The following SH2D7 variants were observed in gnomAD, a reference collection of about 807,000 sequenced individuals.
SH2D7 encodes SH2 domain containing 7.
In SH2D7, 32 loss-of-function variants were observed where a neutral mutation model predicts 40.8. The observed-to-expected ratio is 0.78, with a 90% CI of 0.59 to 1.05. The LOEUF is 1.05. Among genes scored for constraint, SH2D7 ranks in the 50% least tolerant of loss-of-function variants. The pLI is 0.00. For missense variants in SH2D7, 559 were observed against 566.6 expected, an observed-to-expected ratio of 0.99 and a Z score of 0.14; for synonymous variants, 195 against 221.5, an observed-to-expected ratio of 0.88 and a Z score of 1.06.
chr15:78,097,817 T>C, intron 2 of SH2D7, 112 bp from the exon 3 acceptor site: 2 of 1,393,656 alleles, frequency 1.4e-6, no homozygotes, highest in Non-Finnish European at 1.9e-6. Context: ...AGGTCTGTTC[T>C]GGATCAAGAG....
intron 2 of SH2D7, among the ~76,000 whole-genome samples, chr15:78,094,424 G>A (rs1158958975): frequency 1.3e-5 from 2 of 152,190 alleles, no homozygotes; most frequent in Non-Finnish European, 2.9e-5. Context: ...TGGGGTTCGG[G>A]GAGGCTTCAC....
chr15:78,101,813 C>T (rs2074019555), intron 5 of SH2D7, among the ~76,000 whole-genome samples: 2 of 152,190 alleles, frequency 1.3e-5, no homozygotes, highest in Non-Finnish European at 2.9e-5. Flanking sequence ...TCAGGGTTCC[C>T]ATCCCCTCCG....
At chr15:78,096,360 A>G (rs1460022824) in intron 2 of SH2D7, among the ~76,000 whole-genome samples, 2 of 152,138 alleles carry the variant, frequency 1.3e-5, no homozygotes, top group Non-Finnish European at 2.9e-5. Flanking sequence ...AAAAAGAAAA[A>G]CCCAGAAGGC....
Position 78,103,636 on chromosome 15 carries a change from C to G in SH2D7, c.*121C>G. On this transcript the variant is annotated 3_prime_UTR_variant, in exon 6 of 6. Coordinates refer to ENST00000328828, the MANE Select transcript of SH2D7 (RefSeq NM_001101404.2). Reference sequence around the variant, plus strand: ...TGGATCTTGAGACTCATCCAGCCTGCTACAGAACTAGGCTCCGAGACAGCC... The same window carrying G: ...TGGATCTTGAGACTCATCCAGCCTGGTACAGAACTAGGCTCCGAGACAGCC... 8.0e-7 allele frequency: 1 copy of G among 1,244,618 alleles called. No homozygotes were observed. Among genetic ancestry groups the G allele is most frequent in the Non-Finnish European group, 1.1e-6 (1 of 892,562 alleles). 77.1% of individuals were successfully genotyped at this position (1,244,618 alleles called of 1,614,324 possible).
chr15:78,098,204 C>A, intron 3 of SH2D7, 110 bp downstream of exon 3: 2 of 1,433,562 alleles, frequency 1.4e-6, no homozygotes, highest in Non-Finnish European at 9.3e-7. Context: ...TACTATCACC[C>A]AGGGGCACTT....
At chr15:78,097,906 G>T in intron 2 of SH2D7, 23 bp from the exon 3 acceptor site, 2 of 1,610,518 alleles carry the variant, frequency 1.2e-6, no homozygotes, top group South Asian at 2.2e-5. Flanking sequence ...AGCAGCCCCA[G>T]ACCACAAGCA....
chr15:78,090,429 T>C (rs1363599912), upstream of SH2D7, among the ~76,000 whole-genome samples: 2 of 151,940 alleles, frequency 1.3e-5, no homozygotes, highest in Admixed American at 6.6e-5. Flanking sequence ...ATAAATAAGA[T>C]GAGAAAGAGC....
chr15:78,095,677 C>G (rs1751534194), intron 2 of SH2D7, among the ~76,000 whole-genome samples: 2 of 152,002 alleles, frequency 1.3e-5, no homozygotes, highest in Non-Finnish European at 2.9e-5. Flanking sequence ...AAAAGCAAAA[C>G]AATACCATTT....
At chr15:78,103,151 G>A (rs2074028657) in intron 5 of SH2D7, among the ~76,000 whole-genome samples, 1 of 152,132 alleles carries the variant, frequency 6.6e-6, no homozygotes, top group Admixed American at 6.5e-5. Flanking sequence ...TGCATCCTGA[G>A]GCCCCCAGCT....
intron 2 of SH2D7, among the ~76,000 whole-genome samples, chr15:78,095,907 A>G (rs962264069): frequency 6.6e-6 from 1 of 152,120 alleles, no homozygotes; most frequent in African/African-American, 2.4e-5. Flanking sequence ...CAGTGGCGCG[A>G]TCTCTGCTCA....
intron 3 of SH2D7, 38 bp from the exon 4 acceptor site, chr15:78,098,346 T>C (rs2073987517): frequency 2.5e-6 from 4 of 1,606,242 alleles, no homozygotes; most frequent in Non-Finnish European, 8.5e-7. Context: ...TGGCTGGGCA[T>C]GTGTGACCAC....
intron 5 of SH2D7, 111 bp downstream of exon 5, chr15:78,101,669 G>A: frequency 8.7e-6 from 11 of 1,261,188 alleles, no homozygotes; most frequent in Non-Finnish European, 1.2e-5. Context: ...CCACTGCCTG[G>A]AAGTACACAG....
At position 78,098,516 on chromosome 15, in the gene SH2D7, A is replaced by G; in HGVS notation, c.565A>G (p.Lys189Glu). Residue 189 changes from lysine to glutamate, a missense_variant, in exon 4 of 6, where the codon AAG becomes GAG. By Grantham distance (56) the Lys-to-Glu change is moderately conservative. Coordinates refer to ENST00000328828, the MANE Select transcript of SH2D7 (RefSeq NM_001101404.2). Reference protein sequence around the residue: ...DKAASPRSSPKPQVSFLHAQK... With the variant: ...DKAASPRSSPEPQVSFLHAQK... Reference sequence around the variant, plus strand: ...GGCCGCCAGCCCCCGCTCTTCTCCAAAGCCCCAGGTCTCCTTCCTCCATGC... The same window carrying G: ...GGCCGCCAGCCCCCGCTCTTCTCCAGAGCCCCAGGTCTCCTTCCTCCATGC... The G allele has an allele frequency of 6.2e-7, 1 of 1,613,944 alleles. No individual in the cohort carries two copies. The highest frequency in any genetic ancestry group is 8.5e-7 in the Non-Finnish European group (1 of 1,179,860).
At chr15:78,098,672 C>T (rs552175903) in intron 4 of SH2D7, 76 bp downstream of exon 4, 2 of 1,499,368 alleles carry the variant, frequency 1.3e-6, no homozygotes, top group African/African-American at 1.4e-5. Context: ...CAGTCAGACC[C>T]TGAGGCCAGG....
chr15:78,097,989 C>A lies in SH2D7; in HGVS notation c.327C>A (p.Ile109=). 1 of 1,612,658 alleles carries A rather than the reference C, an allele frequency of 6.2e-7. No homozygotes were observed. The highest frequency in any genetic ancestry group is 8.5e-7 in the Non-Finnish European group (1 of 1,179,404). ...INQLRNRRYI[I]SGDTQSHSTL... ...AGCTTCGAAACCGGCGTTACATCAT[C>A]TCAGGAGACACCCAGAGCCACAGCA... Residue 109 remains isoleucine (I), a synonymous_variant, in exon 3 of 6, where the codon ATC becomes ATA. Transcript: ENST00000328828.
At chr15:78,097,675 T>A (rs1008017436) in intron 2 of SH2D7, among the ~76,000 whole-genome samples, 9 of 152,136 alleles carry the variant, frequency 5.9e-5, no homozygotes, top group African/African-American at 1.9e-4. Context: ...ACAGCCGTGC[T>A]CTCCCTGACT....
chr15:78,101,972 C>T (rs1467181876), intron 5 of SH2D7, among the ~76,000 whole-genome samples: 5 of 152,154 alleles, frequency 3.3e-5, no homozygotes. Flanking sequence ...ATTTTTGAGG[C>T]CAGGCATGGT....
chr15:78,092,045 A>C (rs1418146648), upstream of SH2D7, among the ~76,000 whole-genome samples: 1 of 152,256 alleles, frequency 6.6e-6, no homozygotes, highest in Admixed American at 6.5e-5. Context: ...ATGAGGGCAA[A>C]GTGCTGTTTT....
At chr15:78,097,419 C>T (rs1257520361) in intron 2 of SH2D7, among the ~76,000 whole-genome samples, 2 of 151,562 alleles carry the variant, frequency 1.3e-5, no homozygotes, top group East Asian at 1.9e-4. Context: ...CTTTACAGGC[C>T]GAAGAGGGGG....
Sources: gnomAD v4.1 joint callset for allele counts (sites outside exome capture counted in the v4.1 genomes callset) on GRCh38, gnomAD v4.1.1 for gene constraint, MANE v1.5 for transcripts, NCBI Gene and HGNC (gene_info 2026-07-23, HGNC 2026-07-21) for gene names.